TSPEAR: variants seen among roughly 807,000 people sequenced by gnomAD.
TSPEAR encodes thrombospondin-type laminin G domain and EAR repeat-containing protein.
In TSPEAR, 69 loss-of-function variants were observed where a neutral mutation model predicts 71.6. The observed-to-expected ratio is 0.96, with a 90% CI of 0.79 to 1.18. TSPEAR has a LOEUF of 1.18. Among genes scored for constraint, TSPEAR ranks in the 50% most tolerant of loss-of-function variants. The pLI is 0.00. For missense variants in TSPEAR, 971 were observed against 894.9 expected (o/e 1.09, Z -1.09); for synonymous variants, 402 against 387.2 (o/e 1.04, Z -0.45).
chr21:44,571,226 A>T (rs1555922466), intron 1 of TSPEAR, among the ~76,000 whole-genome samples: 1 of 152,228 alleles, frequency 6.6e-6, no homozygotes, highest in East Asian at 1.9e-4. Context: ...AAAGGACAAT[A>T]CGTTGTAGAG....
At chr21:44,672,441 G>T (rs1986102401) in intron 1 of TSPEAR, among the ~76,000 whole-genome samples, 1 of 152,174 alleles carries the variant, frequency 6.6e-6, no homozygotes, top group Non-Finnish European at 1.5e-5. Context: ...GTGGTGGCAG[G>T]TGCCTGTAGT....
chr21:44,658,104 G>T, intron 1 of TSPEAR: 1 of 1,612,560 alleles, frequency 6.2e-7, no homozygotes, highest in Non-Finnish European at 8.5e-7. Flanking sequence ...AGCTGCACGC[G>T]CATTGTGTGC....
chr21:44,601,982 C>T (rs1009031332), intron 1 of TSPEAR: 20 of 612,644 alleles, frequency 3.3e-5, no homozygotes, highest in Non-Finnish European at 4.4e-5. Context: ...GCAAGGCCAG[C>T]GGGTGCTCCC....
At chr21:44,513,765 C>T (rs1474008115) in intron 9 of TSPEAR, among the ~76,000 whole-genome samples, 1 of 152,142 alleles carries the variant, frequency 6.6e-6, no homozygotes, top group Non-Finnish European at 1.5e-5. Context: ...CTGGGAATGC[C>T]AGGGGAGGGG....
At chr21:44,669,453 G>T (rs185408290) in intron 1 of TSPEAR, among the ~76,000 whole-genome samples, 1 of 152,214 alleles carries the variant, frequency 6.6e-6, no homozygotes, top group African/African-American at 2.4e-5. Context: ...AAAGCACTGG[G>T]CATTCTCCCC....
intron 11 of TSPEAR, among the ~76,000 whole-genome samples, chr21:44,504,572 C>T (rs1432971187): frequency 8.8e-6 from 1 of 114,244 alleles, no homozygotes; most frequent in African/African-American, 3.9e-5. Context: ...TGGAGGAGGC[C>T]GGCCTCGGTG....
chr21:44,503,512 G>C (rs1281652866), intron 11 of TSPEAR, among the ~76,000 whole-genome samples: 2 of 134,474 alleles, frequency 1.5e-5, no homozygotes, highest in African/African-American at 5.7e-5. Context: ...GCCGGCCTTG[G>C]TGAGCCCTTG....
In TSPEAR at chr21:44,612,212, G is replaced by C. The variant is rs782263217; in HGVS notation, c.83-44207C>G. ...AGTCTCCTCCCCCAGCACCTGCACT[G>C]GCTCCTCCTGGCAGGTGGACAATTG... On this transcript the variant is annotated intron_variant, in intron 1 of 11. Transcript: ENST00000323084. This position sits in a 1 kb window ranked among gnomAD's most constrained non-coding sequence, Gnocchi z 4.1. The C allele has an allele frequency of 5.0e-6, 8 of 1,613,758 alleles. No individual in the cohort carries two copies. The South Asian group carries it at 8.8e-5, about 18-fold the overall frequency.
chr21:44,579,029 C>G (rs587654675), intron 1 of TSPEAR, among the ~76,000 whole-genome samples: 4 of 152,310 alleles, frequency 2.6e-5, no homozygotes, highest in African/African-American at 9.6e-5. Context: ...GTGCAGCAGC[C>G]CCTCCCTCTC....
At chr21:44,636,614 A>T (rs1983584328) in intron 1 of TSPEAR, among the ~76,000 whole-genome samples, 1 of 152,130 alleles carries the variant, frequency 6.6e-6, no homozygotes. Flanking sequence ...CCCATCTGAC[A>T]CTTTTCTCAT....
intron 1 of TSPEAR, chr21:44,627,365 G>A (rs373612025): frequency 3.4e-5 from 55 of 1,613,500 alleles, no homozygotes; most frequent in Non-Finnish European, 4.5e-5. Context: ...TGTGAGCCCA[G>A]CCCCTGCCAA....
rs60660580 is a variant in TSPEAR, at chr21:44,588,588, G to A, written c.83-20583C>T. On this transcript the variant is annotated intron_variant, in intron 1 of 11. Coordinates refer to ENST00000323084, the MANE Select transcript of TSPEAR (RefSeq NM_144991.3). The stretch of plus-strand genomic sequence containing the variant: ...AGATACTTGCTCACGCATGTTTATA[G>A]CAGCACAATTCGCAATTGCAAAAAT... 4.1e-3 allele frequency among the ~76,000 whole-genome samples: 626 copies of A among 151,502 alleles called. 7 individuals carry two copies. Among genetic ancestry groups the A allele is most frequent in the African/African-American group, 0.014 (597 of 41,380 alleles).
rs976693174 is a variant in TSPEAR, at chr21:44,586,495, G to A, written c.83-18490C>T. ...CAAGAGAAAATTCACAAGCCATGAA[G>A]CTCACCTGCTGCAAGGACATAATCC... is the stretch of plus-strand genomic sequence containing the variant. On this transcript the variant is annotated intron_variant, in intron 1 of 11. Transcript: ENST00000323084. 5.3e-5 allele frequency among the ~76,000 whole-genome samples: 8 copies of A among 152,192 alleles called. No homozygotes were observed. In the East Asian group the frequency reaches 1.3e-3, roughly 26 times the overall value.
At chr21:44,524,227 T>A (rs1417046380) in intron 8 of TSPEAR, among the ~76,000 whole-genome samples, 2 of 151,290 alleles carry the variant, frequency 1.3e-5, no homozygotes, top group African/African-American at 4.9e-5. Context: ...AGTCAGTCAG[T>A]CAGTCAGTGA....
chr21:44,660,935 C>T (rs1985452907), intron 1 of TSPEAR, among the ~76,000 whole-genome samples: 1 of 151,996 alleles, frequency 6.6e-6, no homozygotes, highest in South Asian at 2.1e-4. Flanking sequence ...CCACTGCACT[C>T]TGTCCTGGGA....
intron 1 of TSPEAR, among the ~76,000 whole-genome samples, chr21:44,709,766 G>C (rs1264562593): frequency 7.9e-5 from 12 of 152,270 alleles, no homozygotes; most frequent in Non-Finnish European, 1.6e-4. Flanking sequence ...CCTACAGAGC[G>C]AGCGCGCGCC....
intron 1 of TSPEAR, among the ~76,000 whole-genome samples, chr21:44,588,676 A>ATATATATATTTATT (rs60294215): frequency 7.8e-5 from 11 of 141,454 alleles, no homozygotes; most frequent in East Asian, 4.0e-4. Context: ...TATATATAAT[A>ATATATATATTTATT]TATATATATT....
chr21:44,623,415 GATC>G lies in TSPEAR; in HGVS notation c.83-55413_83-55411del, dbSNP rs1255469703. Among the ~76,000 whole-genome samples the G allele has an allele frequency of 1.7e-4, 26 of 152,236 alleles. No individual in the cohort carries two copies. The highest frequency in any genetic ancestry group is 2.1e-4 in the Non-Finnish European group (14 of 68,000). Reference sequence around the variant, plus strand: ...CATGTAGCCCCCTCCTGAATTTTGTGATCTTCTTGCCATGTATTTCATTTCTAT... The same window carrying G: ...CATGTAGCCCCCTCCTGAATTTTGTGTTCTTGCCATGTATTTCATTTCTAT... On this transcript the variant is annotated intron_variant, in intron 1 of 11. Transcript: ENST00000323084. This position sits in a 1 kb window ranked among gnomAD's most constrained non-coding sequence, Gnocchi z 4.5.
intron 1 of TSPEAR, among the ~76,000 whole-genome samples, chr21:44,590,226 C>T (rs1437051804): frequency 2.6e-5 from 4 of 152,252 alleles, no homozygotes; most frequent in African/African-American, 9.6e-5. Context: ...CTCAAATGCA[C>T]ACAGCGACCT....
Sources: allele counts gnomAD v4.1 joint callset (sites outside exome capture counted in the v4.1 genomes callset), GRCh38; gene constraint gnomAD v4.1.1; non-coding constraint Gnocchi (gnomAD v3.1); transcripts MANE v1.5; gene names NCBI Gene and HGNC (gene_info 2026-07-23, HGNC 2026-07-21).